The following CCNC variants were observed in gnomAD, a reference collection of about 807,000 sequenced individuals.
The protein encoded by CCNC is cyclin C, also known as cyclin-C.
CCNC carries 19 observed loss-of-function variants against 50.0 expected under a neutral mutation model. The ratio of observed to expected loss-of-function variants is 0.38; its 90% CI spans 0.27 to 0.56. The LOEUF is 0.56. Among genes scored for constraint, CCNC ranks in the 20% least tolerant of loss-of-function variants. CCNC has a pLI of 0.72. For synonymous variants in CCNC, 93 were observed against 103.7 expected (o/e 0.90, Z 0.63); for missense variants, 200 against 327.1 (o/e 0.61, Z 3.00).
intron 5 of CCNC, 156 bp downstream of exon 5, chr6:99,558,341 T>G: frequency 8.9e-7 from 1 of 1,125,250 alleles, no homozygotes; most frequent in Non-Finnish European, 1.2e-6. Context: ...TAGCTTGATT[T>G]TTTTGCCAGA....
At chr6:99,568,787 G>A, upstream of CCNC, 5 of 1,167,922 alleles carry the variant, frequency 4.3e-6, no homozygotes, top group Admixed American at 3.2e-5. Flanking sequence ...GGGAGGTGCT[G>A]ACCCTTGGAG....
rs932868295 is a variant in CCNC at position 99,558,478 on chromosome 6, A to T, written c.346+19T>A. The T allele has an allele frequency of 1.2e-6, 2 of 1,611,724 alleles. No individual in the cohort carries two copies. Among genetic ancestry groups the T allele is most frequent in the Non-Finnish European group, 1.7e-6 (2 of 1,179,070 alleles). On this transcript the variant is annotated intron_variant, in intron 5 of 11. Transcript: ENST00000520429. Reference sequence around the variant, plus strand: ...CTTTAGAATTACATCCTTAAAGCAGATATACTTTTTGCACTTACATACAGA... The same window carrying T: ...CTTTAGAATTACATCCTTAAAGCAGTTATACTTTTTGCACTTACATACAGA...
chr6:99,552,239 A>G (rs1217505774), intron 5 of CCNC, among the ~76,000 whole-genome samples: 1 of 152,202 alleles, frequency 6.6e-6, no homozygotes, highest in Non-Finnish European at 1.5e-5. Flanking sequence ...TGAGCTTAGA[A>G]GGAACACAGG....
intron 2 of CCNC, chr6:99,562,627 A>C: frequency 2.2e-6 from 1 of 446,148 alleles, no homozygotes; most frequent in Non-Finnish European, 4.0e-6. Context: ...AACACTTTCA[A>C]ATTGTCTTGA....
At chr6:99,558,974 AG>A (rs950079321) in intron 4 of CCNC, among the ~76,000 whole-genome samples, 10 of 152,286 alleles carry the variant, frequency 6.6e-5, no homozygotes, top group Admixed American at 4.6e-4. Context: ...TAACAATAAA[AG>A]GTACCAAATT....
At chr6:99,550,448 C>T (rs779784816) in intron 7 of CCNC, 139 bp from the exon 8 acceptor site, 133 of 628,034 alleles carry the variant, frequency 2.1e-4, no homozygotes, top group Non-Finnish European at 3.3e-4. Flanking sequence ...CTTTTATTCT[C>T]TTAAGCTAGC....
intron 1 of CCNC, among the ~76,000 whole-genome samples, chr6:99,567,784 ATAT>A (rs1338530599): frequency 1.3e-5 from 2 of 152,214 alleles, no homozygotes; most frequent in African/African-American, 4.8e-5. Context: ...AATGTTTTTA[ATAT>A]TATTCTAGCT....
At chr6:99,561,871 G>T in intron 2 of CCNC, 190 bp from the exon 3 acceptor site, 1 of 384,292 alleles carries the variant, frequency 2.6e-6, no homozygotes. Context: ...AAATATATAG[G>T]TATGCATAAA....
intron 1 of CCNC, among the ~76,000 whole-genome samples, chr6:99,566,163 CCT>C (rs1341121027): frequency 6.6e-6 from 1 of 151,810 alleles, no homozygotes; most frequent in Non-Finnish European, 1.5e-5. Flanking sequence ...TCCTTTTTCC[CCT>C]GATTTAACTA....
intron 5 of CCNC, among the ~76,000 whole-genome samples, chr6:99,557,012 A>C (rs1240139535): frequency 2.0e-5 from 3 of 152,144 alleles, no homozygotes; most frequent in African/African-American, 7.2e-5. Context: ...TTAGGTAAGG[A>C]GTTTTCCCCA....
In CCNC at chr6:99,558,650, C is replaced by G. The variant is rs2114367669; in HGVS notation, c.295-102G>C. On this transcript the variant is annotated intron_variant, in intron 4 of 11. Coordinates refer to ENST00000520429, the MANE Select transcript of CCNC (RefSeq NM_005190.4). ...TTGCTCCTGTTTACAATCTGTTCAC[C>G]TTCTAACTACTTGAGGTGTGAAGTA... 7 of 1,028,284 alleles carry G rather than the reference C, an allele frequency of 6.8e-6. No individual in the cohort carries two copies. In the South Asian group the frequency reaches 7.4e-5, roughly 11 times the overall value. 63.7% of individuals were successfully genotyped at this position (1,028,284 alleles called of 1,614,324 possible). A position where few individuals can be genotyped will look rare whatever the true frequency, so the allele number is the denominator to read the frequency against.
chr6:99,548,772 C>T (rs330811), intron 9 of CCNC, among the ~76,000 whole-genome samples: 57,530 of 141,734 alleles, frequency 0.41, 11,348 homozygotes, highest in South Asian at 0.54. Flanking sequence ...CACTGCACTC[C>T]AGCCTGGGAG....
chr6:99,545,077 T>G lies in CCNC; in HGVS notation c.797+35A>C, dbSNP rs1411264591. The G allele has an allele frequency of 4.0e-6, 4 of 997,648 alleles. No homozygotes were observed. In the East Asian group the frequency reaches 9.5e-5, roughly 24 times the overall value. The allele number at this position is 997,648 out of a possible 1,614,324, so 61.8% of individuals were successfully genotyped here. On this transcript the variant is annotated intron_variant, in intron 11 of 11. Transcript: ENST00000520429. ...AAAATATAGTAAGTATGATATATGA[T>G]TAAATGACATCAATAATTAAAGTCT...
At chr6:99,566,390 T>C (rs1343824023) in intron 1 of CCNC, among the ~76,000 whole-genome samples, 2 of 152,078 alleles carry the variant, frequency 1.3e-5, no homozygotes, top group Admixed American at 1.3e-4. Context: ...TTGGTTACAT[T>C]CCATATATGG....
Position 99,551,865 on chromosome 6 carries a change from T to C in CCNC, c.377A>G (p.Lys126Arg). The change falls in exon 6 of 12, where the codon AAG (lysine) becomes AGG (arginine). Residue 126 changes from lysine (K) to arginine (R), a missense_variant. Lys to Arg is a conservative substitution (Grantham distance 26, BLOSUM62 2). Coordinates refer to ENST00000520429, the MANE Select transcript of CCNC (RefSeq NM_005190.4). The stretch of plus-strand genomic sequence containing the variant: ...ATGATTCATCCTATAAGGAAATTCC[T>C]TTGGAAAGGCATATGAAAATCTAGT... ...LKTRFSYAFP[K>R]EFPYRMNHIL... 1 of 1,434,326 alleles carries C rather than the reference T, an allele frequency of 7.0e-7. No homozygotes were observed. The highest frequency in any genetic ancestry group is 9.4e-7 in the Non-Finnish European group (1 of 1,067,970). 88.8% of individuals were successfully genotyped at this position (1,434,326 alleles called of 1,614,324 possible).
chr6:99,562,029 A>AT (rs1191368811), intron 2 of CCNC: 1 of 156,206 alleles, frequency 6.4e-6, no homozygotes, highest in Non-Finnish European at 1.4e-5. Context: ...AAAAGAAAAT[A>AT]TTAGACACCT....
In CCNC at chr6:99,544,745, GAA is replaced by G. The variant is rs34449935; in HGVS notation, c.797+365_797+366del. Among the ~76,000 whole-genome samples the G allele has an allele frequency of 3.5e-3, 434 of 122,458 alleles. 1 individual carries two copies. The highest frequency in any genetic ancestry group is 4.0e-3 in the Admixed American group (49 of 12,280). The allele number at this position is 122,458 out of a possible 152,430, so 80.3% of individuals were successfully genotyped here. ...ATAAAACAGGACAATAGCCAGCAGT[GAA>G]AAAAAAAAAAAAAAAAGATGGCACA... On this transcript the variant is annotated intron_variant, in intron 11 of 11. Coordinates refer to ENST00000520429, the MANE Select transcript of CCNC (RefSeq NM_005190.4).
chr6:99,560,498 T>G (rs1802732599), intron 4 of CCNC, among the ~76,000 whole-genome samples: 1 of 152,198 alleles, frequency 6.6e-6, no homozygotes, highest in Non-Finnish European at 1.5e-5. Flanking sequence ...GTAAACTTAC[T>G]AGGTAAAAAT....
intron 1 of CCNC, among the ~76,000 whole-genome samples, chr6:99,565,103 G>C (rs1769062851): frequency 6.6e-6 from 1 of 151,988 alleles, no homozygotes; most frequent in Non-Finnish European, 1.5e-5. Context: ...ATTAATAGGT[G>C]ATATGAAAAA....
Sources: allele counts gnomAD v4.1 joint callset (sites outside exome capture counted in the v4.1 genomes callset), GRCh38; gene constraint gnomAD v4.1.1; transcripts MANE v1.5; gene names NCBI Gene and HGNC (gene_info 2026-07-23, HGNC 2026-07-21).